The following ANO1 variants were observed in gnomAD, a reference collection of about 807,000 sequenced individuals.
ANO1 encodes anoctamin 1, also known as anoctamin-1.
In ANO1, 59 loss-of-function variants were observed where a neutral mutation model predicts 124.0. The ratio of observed to expected loss-of-function variants is 0.48; its 90% CI spans 0.39 to 0.59. The LOEUF (loss-of-function observed/expected upper bound fraction) is 0.59, where lower values mean the gene tolerates loss of function less well. ANO1 is among the 20% of genes least tolerant of loss of function. The pLI is 0.00. For missense variants in ANO1, 1,059 were observed against 1,328.0 expected, an observed-to-expected ratio of 0.80 and a Z score of 3.15; for synonymous variants, 529 against 532.0, an observed-to-expected ratio of 0.99 and a Z score of 0.08.
At chr11:69,990,368 T>C (rs1409155311) in intron 1 of ANO1, among the ~76,000 whole-genome samples, 1 of 152,242 alleles carries the variant, frequency 6.6e-6, no homozygotes, top group African/African-American at 2.4e-5. Flanking sequence ...TGAATGGATA[T>C]ACCACATTGC....
At chr11:69,973,263 G>A in the ANO1 span, among the ~76,000 whole-genome samples, 14 of 152,120 alleles carry the variant, frequency 9.2e-5, no homozygotes, top group East Asian at 1.2e-3. Context: ...AAACTCCCTC[G>A]TGATCTGGCA....
intron 8 of ANO1, among the ~76,000 whole-genome samples, chr11:70,119,563 A>C (rs1379304004): frequency 6.8e-6 from 1 of 147,066 alleles, no homozygotes; most frequent in East Asian, 2.1e-4. Flanking sequence ...GGAGGAATGA[A>C]TGATGGTTGA....
intron 10 of ANO1, among the ~76,000 whole-genome samples, chr11:70,130,816 C>T (rs933561408): frequency 2.0e-5 from 3 of 152,192 alleles, no homozygotes; most frequent in Non-Finnish European, 4.4e-5. Context: ...GCCTCCGCTG[C>T]ACCGGGCAGC....
At chr11:70,067,740 C>A (rs549963245) in intron 1 of ANO1, among the ~76,000 whole-genome samples, 2 of 152,326 alleles carry the variant, frequency 1.3e-5, no homozygotes, top group African/African-American at 4.8e-5. Context: ...GCCTTCCCGT[C>A]CCTCCAGACC....
At chr11:70,103,277 CA>C in intron 3 of ANO1, 113 bp downstream of exon 3, 1 of 816,042 alleles carries the variant, frequency 1.2e-6, no homozygotes, top group South Asian at 1.8e-5. Flanking sequence ...AAAAAAAACC[CA>C]GTGGGCTTCA....
intron 9 of ANO1, 133 bp from the exon 10 acceptor site, chr11:70,125,928 C>T (rs2135491551): frequency 1.8e-6 from 2 of 1,129,306 alleles, no homozygotes; most frequent in East Asian, 2.6e-5. Flanking sequence ...CCCAGGACCC[C>T]ACTCTCTGCT....
At chr11:70,063,908 C>T (rs1461832265) in intron 1 of ANO1, 2 of 151,970 alleles carry the variant, frequency 1.3e-5, no homozygotes, top group African/African-American at 4.8e-5. Context: ...TCTTTGATTC[C>T]TCTTTCTTTT....
rs962414884 is a variant in ANO1, at chr11:70,132,150, C to A, written c.1258+71C>A. 3 of 1,489,010 alleles carry A rather than the reference C, an allele frequency of 2.0e-6. No individual in the cohort carries two copies. In the African/African-American group the frequency reaches 4.2e-5, roughly 21 times the overall value. The allele number at this position is 1,489,010 out of a possible 1,614,324, so 92.2% of individuals were successfully genotyped here. A position where few individuals can be genotyped will look rare whatever the true frequency, so the allele number is the denominator to read the frequency against. On this transcript the variant is annotated intron_variant, in intron 11 of 25. Coordinates refer to ENST00000355303, the MANE Select transcript of ANO1 (RefSeq NM_018043.7). ...TGAGTGGTACCTAGGCTGCTTCTGTCTGTCTTTGCGAAATCATCCTCAGGC... is the reference window on the plus strand; with the variant it reads ...TGAGTGGTACCTAGGCTGCTTCTGTATGTCTTTGCGAAATCATCCTCAGGC...
At chr11:70,116,415 T>G (rs764766877) in intron 7 of ANO1, 43 bp from the exon 8 acceptor site, 69 of 1,562,938 alleles carry the variant, frequency 4.4e-5, no homozygotes, top group Non-Finnish European at 5.9e-5. Flanking sequence ...CCTCCAAAGC[T>G]CCATTGGATG....
intron 11 of ANO1, among the ~76,000 whole-genome samples, chr11:70,136,516 TTC>T (rs2046961838): frequency 8.4e-6 from 1 of 119,308 alleles, no homozygotes; most frequent in Non-Finnish European, 2.0e-5. Flanking sequence ...TGTTTGGGGC[TTC>T]TGCCTGGAGT....
At chr11:69,991,317 T>G (rs10501402) in intron 1 of ANO1, among the ~76,000 whole-genome samples, 21,723 of 152,208 alleles carry the variant, frequency 0.14, 1,644 homozygotes, top group African/African-American at 0.17. Context: ...TTCAGAGCAC[T>G]TGGTGTATTT....
chr11:70,114,914 G>C (rs2045920009), intron 7 of ANO1, among the ~76,000 whole-genome samples: 1 of 152,192 alleles, frequency 6.6e-6, no homozygotes, highest in Non-Finnish European at 1.5e-5. Flanking sequence ...GAATCAGAGT[G>C]TATCACCCGT....
intron 11 of ANO1, among the ~76,000 whole-genome samples, chr11:70,136,141 T>C (rs757631530): frequency 6.6e-6 from 1 of 152,216 alleles, no homozygotes; most frequent in Non-Finnish European, 1.5e-5. Flanking sequence ...CCTCATGCGT[T>C]GGGCTGGCTA....
At chr11:70,036,983 A>G (rs1857105229) in intron 1 of ANO1, among the ~76,000 whole-genome samples, 1 of 152,198 alleles carries the variant, frequency 6.6e-6, no homozygotes, top group African/African-American at 2.4e-5. Flanking sequence ...TGTGCTCAAC[A>G]TCTCAGGCAG....
chr11:70,038,549 C>G (rs991271683), intron 1 of ANO1, among the ~76,000 whole-genome samples: 2 of 152,120 alleles, frequency 1.3e-5, no homozygotes, highest in East Asian at 3.9e-4. Flanking sequence ...TTTGCGACAC[C>G]GAGCACCCAT....
intron 8 of ANO1, among the ~76,000 whole-genome samples, chr11:70,117,428 C>T (rs1450002539): frequency 1.3e-5 from 2 of 152,040 alleles, no homozygotes; most frequent in Non-Finnish European, 2.9e-5. Flanking sequence ...AAGCGTTGGT[C>T]CCCACCCTCT....
In ANO1 at chr11:70,187,873, C is replaced by A. The variant is rs1346444071; in HGVS notation, c.2830C>A (p.Leu944Met). The change falls in exon 26 of 26, where the codon CTG (leucine) becomes ATG (methionine). Residue 944 changes from leucine (L) to methionine (M), a missense_variant. Transcript: ENST00000355303. The stretch of plus-strand genomic sequence containing the variant: ...GCGGGAGGAGCAAGACAAGCAGCAG[C>A]TGCTGGAAACCTGGATGGAGAAGGA... ...FMREEQDKQQ[L>M]LETWMEKERQ... The A allele has an allele frequency of 1.9e-6, 3 of 1,605,980 alleles. No homozygotes were observed. The highest frequency in any genetic ancestry group is 1.7e-6 in the Non-Finnish European group (2 of 1,176,622).
chr11:69,967,740 G>A, the ANO1 span, among the ~76,000 whole-genome samples: 4 of 152,192 alleles, frequency 2.6e-5, no homozygotes, highest in South Asian at 2.1e-4. Flanking sequence ...CAACTGGTCC[G>A]GTGAGGGCTG....
At chr11:70,085,384 CTT>C (rs2044331917) in intron 1 of ANO1, 4 of 1,483,228 alleles carry the variant, frequency 2.7e-6, no homozygotes, top group African/African-American at 1.4e-5. Context: ...CACCCTCAGA[CTT>C]TGTCACAGAG....
Sources: gnomAD v4.1 joint callset for allele counts (sites outside exome capture counted in the v4.1 genomes callset) on GRCh38, gnomAD v4.1.1 for gene constraint, MANE v1.5 for transcripts, NCBI Gene and HGNC (gene_info 2026-07-23, HGNC 2026-07-21) for gene names.